The following STK36 variants were observed in gnomAD, a reference collection of about 807,000 sequenced individuals.
STK36 encodes the protein serine/threonine kinase 36, also known as serine/threonine-protein kinase 36.
STK36 carries 116 observed loss-of-function variants against 142.2 expected under a neutral mutation model. The observed-to-expected ratio is 0.82, with a 90% confidence interval of 0.70 to 0.95. The LOEUF is 0.95. Among genes scored for constraint, STK36 ranks in the 40% least tolerant of loss-of-function variants. The probability of loss-of-function intolerance (pLI) is 0.00; values close to 1 mark genes in which losing one functional copy is unlikely to be tolerated. For missense variants in STK36, 1,422 were observed against 1,617.2 expected (o/e 0.88, Z 2.07); for synonymous variants, 619 against 641.7 (o/e 0.96, Z 0.53).
chr2:218,689,831 C>G, intron 12 of STK36, 28 bp from the exon 13 acceptor site: 1 of 1,592,240 alleles, frequency 6.3e-7, no homozygotes. Context: ...TCACATTGCC[C>G]TTACTCTCTT....
At chr2:218,678,238 C>G (rs1310536569) in intron 6 of STK36, among the ~76,000 whole-genome samples, 1 of 152,196 alleles carries the variant, frequency 6.6e-6, no homozygotes, top group East Asian at 1.9e-4. Flanking sequence ...GCATGAGCCA[C>G]TGCACCCAAC....
intron 11 of STK36, chr2:218,688,373 G>A (rs183994230): frequency 1.4e-5 from 7 of 509,594 alleles, no homozygotes; most frequent in Admixed American, 4.6e-5. Flanking sequence ...TGCGGTGCAC[G>A]TGTTTTTTGT....
intron 26 of STK36, 23 bp from the exon 27 acceptor site, chr2:218,701,843 A>G (rs754144067): frequency 1.7e-5 from 27 of 1,612,970 alleles, no homozygotes; most frequent in South Asian, 4.4e-5. Context: ...GTTCTGTTCT[A>G]TCATCTGTTC....
Position 218,672,147 on chromosome 2 carries a change from C to T in STK36, c.-158C>T, listed in dbSNP as rs1447877483. 4.4e-6 allele frequency: 3 copies of T among 683,938 alleles called. No homozygotes were observed. The highest frequency in any genetic ancestry group is 3.6e-5 in the African/African-American group (2 of 55,804). 42.4% of individuals were successfully genotyped at this position (683,938 alleles called of 1,614,324 possible). ...TCCCAGGAAGTGCCCATGTGTGGTC[C>T]GCCGTCCATTCCACACCTCTGAGCG... On this transcript the variant is annotated 5_prime_UTR_variant, in exon 1 of 27. Transcript: ENST00000295709.
chr2:218,696,851 T>A, intron 22 of STK36, 188 bp from the exon 23 acceptor site: 1 of 956,096 alleles, frequency 1.0e-6, no homozygotes, highest in Non-Finnish European at 1.7e-6. Flanking sequence ...TACACATGAG[T>A]TGTGAGGTCA....
At chr2:218,701,283 C>A (rs1300680111) in intron 26 of STK36, among the ~76,000 whole-genome samples, 1 of 151,416 alleles carries the variant, frequency 6.6e-6, no homozygotes, top group Non-Finnish European at 1.5e-5. Flanking sequence ...AGGCACCTGC[C>A]GCCACACCCA....
At position 218,672,896 on chromosome 2, in the gene STK36, A is replaced by G; in HGVS notation, c.67A>G (p.Arg23Gly). 6.2e-7 allele frequency: 1 copy of G among 1,614,136 alleles called. No homozygotes were observed. The highest frequency in any genetic ancestry group is 8.5e-7 in the Non-Finnish European group (1 of 1,180,000). Reference sequence around the variant, plus strand: ...TTTTGGGAGGGTGTACAAGGGTCGAAGAAAATACAGTGCTCAGGTGTTGCA... The same window carrying G: ...TTTTGGGAGGGTGTACAAGGGTCGAGGAAAATACAGTGCTCAGGTGTTGCA... ...GSFGRVYKGR[R>G]KYSAQVVALK... Residue 23 changes from arginine (R) to glycine (G), a missense_variant, in exon 2 of 27, where the codon AGA (arginine) becomes GGA (glycine). By Grantham distance (125) the Arg-to-Gly change is moderately radical. Around this residue, in one of 2 missense-constraint regions of STK36, gnomAD observed 460 missense variants for 449.6 expected, o/e 1.02. Coordinates refer to ENST00000295709, the MANE Select transcript of STK36 (RefSeq NM_015690.5).
chr2:218,701,115 A>G (rs1287356340), intron 26 of STK36, among the ~76,000 whole-genome samples: 1 of 150,422 alleles, frequency 6.6e-6, no homozygotes, highest in Non-Finnish European at 1.5e-5. Context: ...CAGAGCAGAA[A>G]TTTGAGAGGA....
chr2:218,697,027 T>C lies in STK36; in HGVS notation c.2587-12T>C. On this transcript the variant is annotated splice_polypyrimidine_tract_variant and intron_variant, in intron 22 of 26. Coordinates refer to ENST00000295709, the MANE Select transcript of STK36 (RefSeq NM_015690.5). ...TGTCTTTCCCCCCGCCCTCTTTCAC[T>C]TTTATCTCTAGCAGGGGAAGGCTAG... 1 of 1,613,480 alleles carries C rather than the reference T, an allele frequency of 6.2e-7. No individual in the cohort carries two copies. Among genetic ancestry groups the C allele is most frequent in the Non-Finnish European group, 8.5e-7 (1 of 1,179,664 alleles).
chr2:218,675,864 C>T (rs1386011757), intron 5 of STK36, among the ~76,000 whole-genome samples, 165 bp from the exon 6 acceptor site: 1 of 152,108 alleles, frequency 6.6e-6, no homozygotes, highest in Non-Finnish European at 1.5e-5. Context: ...TTATTTGGGC[C>T]TCATTTTAGA....
chr2:218,686,229 G>A (rs546320642), intron 11 of STK36, among the ~76,000 whole-genome samples: 12 of 151,826 alleles, frequency 7.9e-5, no homozygotes, highest in African/African-American at 2.7e-4. Flanking sequence ...GTGAACCACC[G>A]TGCCCAGCCT....
chr2:218,697,203 T>A lies in STK36; in HGVS notation c.2751T>A (p.Ile917=). 6.2e-7 allele frequency: 1 copy of A among 1,612,360 alleles called. No homozygotes were observed. Among genetic ancestry groups the A allele is most frequent in the South Asian group, 1.1e-5 (1 of 90,746 alleles). ...GCCCTGAGCCAGACTGGACACTGAT[T>A]TCTCCCCAGGGTATCTTTCTATCAG... is the stretch of plus-strand genomic sequence containing the variant. ...PPSPEPDWTL[I]SPQGMAALLS... The change falls in exon 23 of 27, where the codon ATT becomes ATA. Residue 917 remains isoleucine, a synonymous_variant. Coordinates refer to ENST00000295709, the MANE Select transcript of STK36 (RefSeq NM_015690.5).
Position 218,673,894 on chromosome 2 carries a change from G to T in STK36, c.241G>T (p.Asp81Tyr). The T allele has an allele frequency of 6.2e-7, 1 of 1,614,186 alleles. No individual in the cohort carries two copies. The highest frequency in any genetic ancestry group is 8.5e-7 in the Non-Finnish European group (1 of 1,180,036). Residue 81 changes from aspartate to tyrosine, a missense_variant, in exon 4 of 27, where the codon GAC becomes TAC. Coordinates refer to ENST00000295709, the MANE Select transcript of STK36 (RefSeq NM_015690.5). ...CTCTCTGTAGGTGGTGGTGGTGACA[G>T]ACTATGCTGAGGGAGAGCTCTTTCA... ...ETDKEVVVVT[D>Y]YAEGELFQIL...
chr2:218,696,778 C>T, intron 22 of STK36, 177 bp downstream of exon 22: 3 of 909,556 alleles, frequency 3.3e-6, no homozygotes, highest in Non-Finnish European at 5.5e-6. Context: ...TGAAGGAAAC[C>T]ATTCGCTGCG....
chr2:218,698,133 G>A (rs1459062940), intron 25 of STK36, 132 bp downstream of exon 25: 15 of 1,294,934 alleles, frequency 1.2e-5, no homozygotes, highest in Admixed American at 4.5e-5. Flanking sequence ...CTCAAAAGTT[G>A]GCGTGGAGAC....
chr2:218,694,391 G>A lies in STK36; in HGVS notation c.2400+64G>A. The A allele has an allele frequency of 6.5e-7, 1 of 1,539,332 alleles. No homozygotes were observed. The highest frequency in any genetic ancestry group is 1.1e-5 in the South Asian group (1 of 89,604). On this transcript the variant is annotated intron_variant, in intron 20 of 26. Transcript: ENST00000295709. This position sits in a 1 kb window ranked among gnomAD's most constrained non-coding sequence, Gnocchi z 4.4. ...TAGCATCTACCCCTTGTGGAAGTGG[G>A]GGAGTCACTATCCAATTTGCATCTG...
chr2:218,693,571 T>A (rs911014843), intron 17 of STK36, 152 bp from the exon 18 acceptor site: 11 of 812,988 alleles, frequency 1.4e-5, no homozygotes, highest in Non-Finnish European at 1.9e-5. Context: ...TGTCTCACTA[T>A]CTCATAGCAA....
chr2:218,701,805 C>A, intron 26 of STK36, 61 bp from the exon 27 acceptor site: 1 of 1,594,306 alleles, frequency 6.3e-7, no homozygotes, highest in South Asian at 1.1e-5. Context: ...CCGCACCTGC[C>A]CCAGACACCA....
chr2:218,698,796 G>A lies in STK36; in HGVS notation c.3252G>A (p.Leu1084=). 1 of 1,614,144 alleles carries A rather than the reference G, an allele frequency of 6.2e-7. No individual in the cohort carries two copies. The highest frequency in any genetic ancestry group is 8.5e-7 in the Non-Finnish European group (1 of 1,180,038). ...TGTTGACCTCCGACCTTCTCTCTCT[G>A]CTGGCCCATACTGCCAGGGTCCTGT... is the stretch of plus-strand genomic sequence containing the variant. ...QPLLTSDLLS[L]LAHTARVLSP... is the part of the protein sequence containing the mutation. Residue 1084 remains leucine (L), a synonymous_variant, in exon 26 of 27, where the codon CTG becomes CTA. Coordinates refer to ENST00000295709, the MANE Select transcript of STK36 (RefSeq NM_015690.5).
Sources: allele counts gnomAD v4.1 joint callset (sites outside exome capture counted in the v4.1 genomes callset), GRCh38; gene constraint gnomAD v4.1.1; regional missense constraint gnomAD v4.1.1; non-coding constraint Gnocchi (gnomAD v3.1); transcripts MANE v1.5; gene names NCBI Gene and HGNC (gene_info 2026-07-23, HGNC 2026-07-21).